TGM6: variants seen among roughly 807,000 people sequenced by gnomAD.
TGM6 encodes transglutaminase 6.
Under a neutral mutation model 77.5 loss-of-function variants are expected in TGM6, and 74 were observed. The ratio of observed to expected loss-of-function variants is 0.96; its 90% CI spans 0.79 to 1.16. The LOEUF (loss-of-function observed/expected upper bound fraction) is 1.16, where lower values mean the gene tolerates loss of function less well. TGM6 is among the 50% of genes most tolerant of loss of function. TGM6 has a pLI of 0.00. For missense variants in TGM6, 968 were observed against 940.2 expected (o/e 1.03, Z -0.39); for synonymous variants, 383 against 378.9 (o/e 1.01, Z -0.12).
At chr20:2,393,636 C>T (rs955153665) in intron 1 of TGM6, among the ~76,000 whole-genome samples, 2 of 152,098 alleles carry the variant, frequency 1.3e-5, no homozygotes, top group Non-Finnish European at 2.9e-5. Context: ...CGGGTTCAAG[C>T]GATTCTCCTG....
chr20:2,408,974 T>C (rs2084768629), intron 9 of TGM6, among the ~76,000 whole-genome samples: 1 of 152,136 alleles, frequency 6.6e-6, no homozygotes, highest in Non-Finnish European at 1.5e-5. Flanking sequence ...TAAAATCAGG[T>C]AGACTCTAAC....
In TGM6 at chr20:2,430,601, G is replaced by A. The variant is rs978685218; in HGVS notation, c.1833+1G>A. ...TCTAGAGGACTTCATCACCATCAAGGTGACCTCAGCCTGCATCTACCATGC... is the reference window on the plus strand; with the variant it reads ...TCTAGAGGACTTCATCACCATCAAGATGACCTCAGCCTGCATCTACCATGC... On this transcript the variant is annotated splice_donor_variant, in intron 11 of 12. Transcript: ENST00000202625. LOFTEE classifies it high-confidence loss of function. The A allele has an allele frequency of 1.9e-6, 3 of 1,613,922 alleles. No homozygotes were observed. Among genetic ancestry groups the A allele is most frequent in the African/African-American group, 2.7e-5 (2 of 74,916 alleles).
chr20:2,421,985 A>T (rs2084859182), intron 10 of TGM6, among the ~76,000 whole-genome samples: 1 of 152,166 alleles, frequency 6.6e-6, no homozygotes, highest in South Asian at 2.1e-4. Flanking sequence ...CACAAAAAGT[A>T]GCTGGGCGTG....
rs371298183 is a variant in TGM6, at chr20:2,406,601, C to A, written c.1336+2778C>A. Among the ~76,000 whole-genome samples the A allele has an allele frequency of 1.7e-3, 259 of 151,446 alleles. 6 individuals carry two copies. The South Asian group carries it at 0.034, about 20-fold the overall frequency. ...CTATAATCCCAGCACTCTGGGAGGCCGAGGCAGGCAGATCACCTGAGGTCA... is the reference window on the plus strand; with the variant it reads ...CTATAATCCCAGCACTCTGGGAGGCAGAGGCAGGCAGATCACCTGAGGTCA... On this transcript the variant is annotated intron_variant, in intron 9 of 12. Coordinates refer to ENST00000202625, the MANE Select transcript of TGM6 (RefSeq NM_198994.3).
At chr20:2,430,871 C>T (rs770101150) in intron 11 of TGM6, 23 bp from the exon 12 acceptor site, 3 of 1,614,118 alleles carry the variant, frequency 1.9e-6, no homozygotes, top group East Asian at 2.2e-5. Context: ...GGCGCGATGG[C>T]TCATGGGTGT....
intron 10 of TGM6, among the ~76,000 whole-genome samples, chr20:2,418,867 G>A (rs1217362803): frequency 2.0e-5 from 3 of 151,850 alleles, no homozygotes; most frequent in Non-Finnish European, 4.4e-5. Context: ...ACGAGGTCAG[G>A]AGATCGAAAC....
intron 9 of TGM6, among the ~76,000 whole-genome samples, chr20:2,415,274 C>T (rs915502631): frequency 1.3e-5 from 2 of 152,156 alleles, no homozygotes; most frequent in Non-Finnish European, 2.9e-5. Flanking sequence ...AGACCAGGGT[C>T]ACACAGTATC....
At chr20:2,422,864 C>A (rs529522300) in intron 10 of TGM6, among the ~76,000 whole-genome samples, 2 of 150,972 alleles carry the variant, frequency 1.3e-5, no homozygotes, top group South Asian at 4.2e-4. Flanking sequence ...GTGGGAGGAT[C>A]ACTTGAGCCC....
Position 2,400,628 on chromosome 20 carries a change from T to TCTGA in TGM6, c.989+185_989+188dup, listed in dbSNP as rs771079804. Among the ~76,000 whole-genome samples the TCTGA allele has an allele frequency of 1.7e-3, 263 of 151,774 alleles. 1 individual carries two copies. Among genetic ancestry groups the TCTGA allele is most frequent in the Non-Finnish European group, 3.0e-3 (202 of 67,942 alleles). On this transcript the variant is annotated intron_variant, in intron 7 of 12. Transcript: ENST00000202625. ...GTGGTGCCTCTTCCAAGATGTAAGG[T>TCTGA]CTGAGGTCAAGAGATGTAGACTCAG... is the stretch of plus-strand genomic sequence containing the variant.
At chr20:2,416,747 G>A (rs1365462148) in intron 9 of TGM6, among the ~76,000 whole-genome samples, 1 of 152,138 alleles carries the variant, frequency 6.6e-6, no homozygotes, top group Non-Finnish European at 1.5e-5. Flanking sequence ...CCTGCCTCAA[G>A]ACCATTATTG....
Position 2,390,093 on chromosome 20 carries a change from C to T in TGM6, c.8-4359C>T, listed in dbSNP as rs190880665. On this transcript the variant is annotated intron_variant, in intron 1 of 12. Transcript: ENST00000202625. ...TAACACAAGCCGCAATCCTGTAAGT[C>T]CTCTCTAATATTGTCTTCCCGAGAT... Among the ~76,000 whole-genome samples the T allele has an allele frequency of 2.2e-3, 333 of 152,256 alleles. 2 individuals are homozygous for T. The highest frequency in any genetic ancestry group is 7.8e-3 in the African/African-American group (325 of 41,538).
chr20:2,420,452 C>T (rs973528082), intron 10 of TGM6, among the ~76,000 whole-genome samples: 2 of 152,108 alleles, frequency 1.3e-5, no homozygotes, highest in African/African-American at 4.8e-5. Flanking sequence ...ACATTTGTTA[C>T]AATTAATGAG....
At position 2,417,473 on chromosome 20, in the gene TGM6, G is replaced by A. The variant is rs1217645727; in HGVS notation, c.1578G>A (p.Arg526=). The A allele has an allele frequency of 8.7e-6, 14 of 1,610,566 alleles. No homozygotes were observed. Among genetic ancestry groups the A allele is most frequent in the Non-Finnish European group, 1.1e-5 (13 of 1,179,932 alleles). Residue 526 remains arginine (R), a synonymous_variant, in exon 10 of 13, where the codon CGG becomes CGA. Coordinates refer to ENST00000202625, the MANE Select transcript of TGM6 (RefSeq NM_198994.3). ...CCAACCTCACCTCCCGGGCCCAGCG[G>A]GTGAGGGTCAACCTGAGCGGTGCCA... ...CLANLTSRAQ[R]VRVNLSGATI...
At position 2,432,499 on chromosome 20, in the gene TGM6, C is replaced by T. The variant is rs1221931731; in HGVS notation, c.1977C>T (p.Thr659=). 1.2e-6 allele frequency: 2 copies of T among 1,614,114 alleles called. No homozygotes were observed. The highest frequency in any genetic ancestry group is 1.3e-5 in the African/African-American group (1 of 75,036). The stretch of plus-strand genomic sequence containing the variant: ...CCTCCCCTTCCTCCAGCGTGCCTAC[C>T]CTGGAGCCTCAGGAGAGGGCCTCAG... The part of the protein sequence containing the change: ...LQEQLSIDVP[T]LEPQERASVQ... The change falls in exon 13 of 13, where the codon ACC becomes ACT. Residue 659 remains threonine (T), a synonymous_variant. Coordinates refer to ENST00000202625, the MANE Select transcript of TGM6 (RefSeq NM_198994.3).
Position 2,392,762 on chromosome 20 carries a change from G to A in TGM6, c.8-1690G>A, listed in dbSNP as rs1025407314. Reference sequence around the variant, plus strand: ...ACCAAAAATACAAAAAATTAGCTGAGTATGGTGGCATGTGCCTGCAGACCC... The same window carrying A: ...ACCAAAAATACAAAAAATTAGCTGAATATGGTGGCATGTGCCTGCAGACCC... On this transcript the variant is annotated intron_variant, in intron 1 of 12. Coordinates refer to ENST00000202625, the MANE Select transcript of TGM6 (RefSeq NM_198994.3). 2.6e-5 allele frequency among the ~76,000 whole-genome samples: 4 copies of A among 152,216 alleles called. No homozygotes were observed. The East Asian group carries it at 7.7e-4, about 29-fold the overall frequency.
intron 7 of TGM6, 29 bp downstream of exon 7, chr20:2,400,473 G>A (rs1444649997): frequency 9.3e-6 from 15 of 1,613,730 alleles, no homozygotes; most frequent in Non-Finnish European, 1.3e-5. Context: ...CTAGGCCCGA[G>A]GGCTCTGGAA....
chr20:2,385,146 G>A (rs1284854638), intron 1 of TGM6, among the ~76,000 whole-genome samples: 1 of 152,212 alleles, frequency 6.6e-6, no homozygotes, highest in East Asian at 1.9e-4. Flanking sequence ...AGGAAGTTGT[G>A]AGGGAGATGG....
In TGM6 at chr20:2,403,828, G is replaced by C; in HGVS notation, c.1336+5G>C. The stretch of plus-strand genomic sequence containing the variant: ...ACCTCTACAAGTATCCGGAAGGTAA[G>C]GGCCACATGGCGGCCTTTATTACCT... On this transcript the variant is annotated splice_donor_5th_base_variant and intron_variant, in intron 9 of 12. Transcript: ENST00000202625. 1 of 1,614,086 alleles carries C rather than the reference G, an allele frequency of 6.2e-7. No homozygotes were observed.
chr20:2,393,859 T>A (rs2084644344), intron 1 of TGM6, among the ~76,000 whole-genome samples: 1 of 152,056 alleles, frequency 6.6e-6, no homozygotes, highest in Non-Finnish European at 1.5e-5. Context: ...AACGCACATA[T>A]AATAAGGTTA....
Sources: gnomAD v4.1 joint callset for allele counts (sites outside exome capture counted in the v4.1 genomes callset) on GRCh38, gnomAD v4.1.1 for gene constraint, MANE v1.5 for transcripts, NCBI Gene and HGNC (gene_info 2026-07-23, HGNC 2026-07-21) for gene names.